Variants in EFNA5 observed in about 807,000 individuals in gnomAD.
EFNA5 encodes the protein ephrin-A5.
Under a neutral mutation model 22.9 loss-of-function variants are expected in EFNA5, and 5 were observed. The ratio of observed to expected loss-of-function variants is 0.22; its 90% CI spans 0.11 to 0.46. The LOEUF (loss-of-function observed/expected upper bound fraction) is 0.46. Among genes scored for constraint, EFNA5 ranks in the 20% least tolerant of loss-of-function variants. The probability of loss-of-function intolerance (pLI) is 0.99; values close to 1 mark genes in which losing one functional copy is unlikely to be tolerated. For missense variants in EFNA5, 237 were observed against 293.3 expected, an observed-to-expected ratio of 0.81 and a Z score of 1.40; for synonymous variants, 113 against 112.2, an observed-to-expected ratio of 1.01 and a Z score of -0.04.
chr5:107,640,928 A>T (rs1199100409), intron 1 of EFNA5, among the ~76,000 whole-genome samples: 1 of 152,020 alleles, frequency 6.6e-6, no homozygotes, highest in Non-Finnish European at 1.5e-5. Flanking sequence ...CTTCTCTTAC[A>T]TTTCTGAGTT....
intron 2 of EFNA5, 165 bp downstream of exon 2, chr5:107,427,052 G>A (rs746959365): frequency 2.1e-5 from 15 of 712,674 alleles, no homozygotes; most frequent in Non-Finnish European, 3.3e-5. Flanking sequence ...TCTAATTTGT[G>A]CTCTCAATTC....
chr5:107,578,007 G>T (rs1248446128), intron 1 of EFNA5, among the ~76,000 whole-genome samples: 1 of 152,082 alleles, frequency 6.6e-6, no homozygotes, highest in African/African-American at 2.4e-5. Context: ...GATTATAAAA[G>T]ATTTCTCTCG....
At chr5:107,413,210 AC>A (rs1295477619) in intron 2 of EFNA5, among the ~76,000 whole-genome samples, 2 of 152,086 alleles carry the variant, frequency 1.3e-5, no homozygotes, top group African/African-American at 4.8e-5. Flanking sequence ...ACTTAATAAT[AC>A]TTTTAAAAGG....
At chr5:107,381,582 T>G (rs145400462) in intron 4 of EFNA5, among the ~76,000 whole-genome samples, 106 of 152,354 alleles carry the variant, frequency 7.0e-4, no homozygotes, top group African/African-American at 2.5e-3. Flanking sequence ...CTCAGCAATA[T>G]TAATACTTTC....
chr5:107,442,041 C>T (rs1228379657), intron 1 of EFNA5, among the ~76,000 whole-genome samples: 3 of 152,168 alleles, frequency 2.0e-5, no homozygotes, highest in South Asian at 2.1e-4. Context: ...TCCTTGAAAA[C>T]ACCAGGTTAT....
intron 1 of EFNA5, among the ~76,000 whole-genome samples, chr5:107,563,009 G>T (rs1748582166): frequency 6.6e-6 from 1 of 152,182 alleles, no homozygotes; most frequent in Admixed American, 6.5e-5. Context: ...CAACATGAAA[G>T]TCAGTGGGGT....
In EFNA5 at chr5:107,591,967, AAT is replaced by A. The variant is rs1218055059; in HGVS notation, c.125+78520_125+78521del. Among the ~76,000 whole-genome samples the A allele has an allele frequency of 1.5e-3, 35 of 23,914 alleles. 5 individuals carry two copies. The highest frequency in any genetic ancestry group is 9.7e-3 in the African/African-American group (30 of 3,102). 15.7% of individuals were successfully genotyped at this position (23,914 alleles called of 152,430 possible). A position where few individuals can be genotyped will look rare whatever the true frequency, so the allele number is the denominator to read the frequency against. ...ATTATATATAATATATAATATATAT[AAT>A]ATATATAATATATAATATATAATAT... On this transcript the variant is annotated intron_variant, in intron 1 of 4. Transcript: ENST00000333274.
chr5:107,670,402 G>A (rs1751166951), intron 1 of EFNA5, 87 bp downstream of exon 1: 3 of 1,433,576 alleles, frequency 2.1e-6, no homozygotes, highest in Admixed American at 5.9e-5. Context: ...GCCGCCAGCG[G>A]TTGGTGCGCG....
chr5:107,396,159 A>G (rs1402303502), intron 2 of EFNA5, among the ~76,000 whole-genome samples: 2 of 152,250 alleles, frequency 1.3e-5, no homozygotes, highest in African/African-American at 4.8e-5. Flanking sequence ...GAGCCTTTCA[A>G]AACCCCTTTC....
At chr5:107,399,762 G>C (rs578019332) in intron 2 of EFNA5, among the ~76,000 whole-genome samples, 1 of 152,312 alleles carries the variant, frequency 6.6e-6, no homozygotes, top group South Asian at 2.1e-4. Flanking sequence ...AACCACAGCA[G>C]AGCTTAAAAG....
intron 1 of EFNA5, among the ~76,000 whole-genome samples, chr5:107,554,809 C>A (rs959764106): frequency 6.6e-6 from 1 of 152,124 alleles, no homozygotes; most frequent in African/African-American, 2.4e-5. Flanking sequence ...AGGCTATGTA[C>A]CTTGGCCAAG....
intron 1 of EFNA5, among the ~76,000 whole-genome samples, chr5:107,454,844 T>C (rs1749651847): frequency 6.6e-6 from 1 of 152,162 alleles, no homozygotes; most frequent in Non-Finnish European, 1.5e-5. Context: ...TTACTTAAAC[T>C]TTCTTTCCAC....
At chr5:107,394,929 T>A in intron 2 of EFNA5, among the ~76,000 whole-genome samples, 2 of 152,016 alleles carry the variant, frequency 1.3e-5, no homozygotes, top group Non-Finnish European at 2.9e-5. Flanking sequence ...AAGAAGGGGA[T>A]GATTTGTCTC....
At chr5:107,632,576 CTCT>C in intron 1 of EFNA5, among the ~76,000 whole-genome samples, 1 of 152,250 alleles carries the variant, frequency 6.6e-6, no homozygotes, top group East Asian at 1.9e-4. Flanking sequence ...CCTTGTTCTT[CTCT>C]TCATCTTTAT....
chr5:107,496,336 CAAAAAAAA>C (rs77916124), intron 1 of EFNA5, among the ~76,000 whole-genome samples: 1 of 79,816 alleles, frequency 1.3e-5, no homozygotes, highest in Non-Finnish European at 2.3e-5. Context: ...AATTCCATCT[CAAAAAAAA>C]AAAAAAAAAC....
chr5:107,465,638 T>C (rs917743490), intron 1 of EFNA5, among the ~76,000 whole-genome samples: 2 of 152,106 alleles, frequency 1.3e-5, no homozygotes, highest in Non-Finnish European at 2.9e-5. Flanking sequence ...GAGGTTTTAT[T>C]CTCATGCAAA....
chr5:107,577,907 T>C (rs1748960117), intron 1 of EFNA5, among the ~76,000 whole-genome samples: 1 of 152,196 alleles, frequency 6.6e-6, no homozygotes, highest in African/African-American at 2.4e-5. Context: ...CAGACATTGC[T>C]GTGGAAGACT....
chr5:107,600,612 G>A (rs980753945), intron 1 of EFNA5, among the ~76,000 whole-genome samples: 11 of 151,574 alleles, frequency 7.3e-5, no homozygotes, highest in Admixed American at 3.3e-4. Flanking sequence ...TCAGCCTCCC[G>A]AGTAGCTGGG....
At chr5:107,536,963 G>A (rs911164807) in intron 1 of EFNA5, among the ~76,000 whole-genome samples, 10 of 151,690 alleles carry the variant, frequency 6.6e-5, no homozygotes, top group African/African-American at 2.4e-4. Flanking sequence ...AAATTAGCTG[G>A]GTGTGGTGGC....
Sources: gnomAD v4.1 joint callset for allele counts (sites outside exome capture counted in the v4.1 genomes callset) on GRCh38, gnomAD v4.1.1 for gene constraint, MANE v1.5 for transcripts, NCBI Gene and HGNC (gene_info 2026-07-23, HGNC 2026-07-21) for gene names.